Variants in TMPRSS15 observed in about 807,000 individuals in gnomAD.
TMPRSS15 encodes the protein enteropeptidase.
Under a neutral mutation model 125.3 loss-of-function variants are expected in TMPRSS15, and 128 were observed. That is an observed-to-expected ratio of 1.02 (90% CI 0.89 to 1.18). TMPRSS15 has a LOEUF of 1.18. TMPRSS15 is among the 50% of genes most tolerant of loss of function. The pLI is 0.00. For missense variants in TMPRSS15, 1,283 were observed against 1,212.7 expected, an observed-to-expected ratio of 1.06 and a Z score of -0.86; for synonymous variants, 446 against 423.2, an observed-to-expected ratio of 1.05 and a Z score of -0.66.
intron 17 of TMPRSS15, 151 bp downstream of exon 17, chr21:18,314,995 A>T: frequency 1.4e-6 from 1 of 698,674 alleles, no homozygotes; most frequent in Non-Finnish European, 2.6e-6. Context: ...ATGGGGACAG[A>T]GGTGCTAAAA....
chr21:18,313,735 G>C (rs1022996532), intron 17 of TMPRSS15, among the ~76,000 whole-genome samples: 1 of 151,674 alleles, frequency 6.6e-6, no homozygotes, highest in Non-Finnish European at 1.5e-5. Context: ...CCATAAAAAT[G>C]GAAAATGCAG....
chr21:18,288,849 T>G (rs973353419), intron 21 of TMPRSS15, among the ~76,000 whole-genome samples: 1 of 152,118 alleles, frequency 6.6e-6, no homozygotes, highest in African/African-American at 2.4e-5. Context: ...CTTCCTCTTT[T>G]TTATCTGCAA....
chr21:18,303,712 C>T (rs1005837163), intron 18 of TMPRSS15, among the ~76,000 whole-genome samples: 1 of 152,120 alleles, frequency 6.6e-6, no homozygotes, highest in Non-Finnish European at 1.5e-5. Context: ...AATACCTATA[C>T]ATTACAGATA....
intron 18 of TMPRSS15, among the ~76,000 whole-genome samples, chr21:18,310,045 T>C (rs1424771373): frequency 6.6e-6 from 1 of 152,010 alleles, no homozygotes; most frequent in African/African-American, 2.4e-5. Flanking sequence ...CTAAGTTAGG[T>C]ATAGAAGGAA....
At chr21:18,403,344 T>G in intron 1 of TMPRSS15, 134 bp downstream of exon 1, 1 of 1,168,450 alleles carries the variant, frequency 8.6e-7, no homozygotes, top group Admixed American at 1.8e-5. Context: ...GAAGATTAAT[T>G]TGAAATATTA....
At chr21:18,300,282 CTCTCTCTTTCTT>C (rs56062028) in intron 18 of TMPRSS15, among the ~76,000 whole-genome samples, 15,191 of 145,970 alleles carry the variant, frequency 0.1, 931 homozygotes, top group Middle Eastern at 0.21. Flanking sequence ...TCTTCTTTCT[CTCTCTCTTTCTT>C]TCTCTCTCTC....
chr21:18,293,942 T>C (rs538368518), intron 21 of TMPRSS15, among the ~76,000 whole-genome samples: 1 of 152,344 alleles, frequency 6.6e-6, no homozygotes, highest in Non-Finnish European at 1.5e-5. Context: ...ATTTATACAA[T>C]AAATACTAAT....
At position 18,315,260 on chromosome 21, in the gene TMPRSS15, T is replaced by G; in HGVS notation, c.1922-4A>C. 6.2e-7 allele frequency: 1 copy of G among 1,606,440 alleles called. No homozygotes were observed. The highest frequency in any genetic ancestry group is 1.1e-5 in the South Asian group (1 of 90,922). ...AAATGGTCTGCCTTGCATGGCTCTA[T>G]GGGGAAAGAATGTTTATTGTATAGG... On this transcript the variant is annotated splice_polypyrimidine_tract_variant and splice_region_variant and intron_variant, in intron 16 of 24. Transcript: ENST00000284885.
chr21:18,317,909 T>TCCCATCCCATCCC lies in TMPRSS15; in HGVS notation c.1922-2654_1922-2653insGGGATGGGATGGG, dbSNP rs1569004326. Among the ~76,000 whole-genome samples the TCCCATCCCATCCC allele has an allele frequency of 3.2e-4, 23 of 72,814 alleles. 1 individual carries two copies. In the Admixed American group the frequency reaches 3.6e-3, roughly 12 times the overall value. 47.8% of individuals were successfully genotyped at this position (72,814 alleles called of 152,430 possible). A position where few individuals can be genotyped will look rare whatever the true frequency, so the allele number is the denominator to read the frequency against. On this transcript the variant is annotated intron_variant, in intron 16 of 24. Coordinates refer to ENST00000284885, the MANE Select transcript of TMPRSS15 (RefSeq NM_002772.3). ...CATCCCATCCCATCCCATCCCATCC[T>TCCCATCCCATCCC]ATCCCAACCCATTCTATTCCATAAC...
rs75001783 is a variant in TMPRSS15 at position 18,399,725 on chromosome 21, C to G, written c.146-1396G>C. On this transcript the variant is annotated intron_variant, in intron 1 of 24. Transcript: ENST00000284885. ...AACGAAATATTAACATCCAAGGAAGCTGGGTTATATGAGAACTCTGTACAA... is the reference window on the plus strand; with the variant it reads ...AACGAAATATTAACATCCAAGGAAGGTGGGTTATATGAGAACTCTGTACAA... Among the ~76,000 whole-genome samples, 276 of 152,106 alleles carry G rather than the reference C, an allele frequency of 1.8e-3. 5 individuals carry two copies. In the East Asian group the frequency reaches 0.038, roughly 21 times the overall value.
chr21:18,301,690 C>T lies in TMPRSS15; in HGVS notation c.2166-3861G>A, dbSNP rs551922365. On this transcript the variant is annotated intron_variant, in intron 18 of 24. Coordinates refer to ENST00000284885, the MANE Select transcript of TMPRSS15 (RefSeq NM_002772.3). ...TGCAGATTTAGATAACTTCATTACA[C>T]ATTCACATAGCTGTTTGAAATCAGA... is the stretch of plus-strand genomic sequence containing the variant. Among the ~76,000 whole-genome samples the T allele has an allele frequency of 3.3e-5, 5 of 152,274 alleles. No homozygotes were observed. In the East Asian group the frequency reaches 7.7e-4, roughly 24 times the overall value.
At chr21:18,284,674 C>T (rs1318948736) in intron 21 of TMPRSS15, among the ~76,000 whole-genome samples, 2 of 152,150 alleles carry the variant, frequency 1.3e-5, no homozygotes, top group Admixed American at 1.3e-4. Context: ...TGAGAACCAC[C>T]TGGAATAGGA....
intron 1 of TMPRSS15, among the ~76,000 whole-genome samples, chr21:18,438,435 C>A (rs888387915): frequency 6.6e-6 from 1 of 151,858 alleles, no homozygotes; most frequent in Admixed American, 6.6e-5. Flanking sequence ...ATGTAACTAA[C>A]CTGCACGTTG....
At chr21:18,360,935 A>T (rs1253453139) in intron 7 of TMPRSS15, among the ~76,000 whole-genome samples, 1 of 152,146 alleles carries the variant, frequency 6.6e-6, no homozygotes, top group Non-Finnish European at 1.5e-5. Context: ...TCAAGATGAC[A>T]GCTATCATAT....
Position 18,281,873 on chromosome 21 carries a change from G to A in TMPRSS15, c.2487-652C>T, listed in dbSNP as rs2074702609. Among the ~76,000 whole-genome samples the A allele has an allele frequency of 5.3e-5, 8 of 151,884 alleles. No individual in the cohort carries two copies. The South Asian group carries it at 1.7e-3, about 31-fold the overall frequency. On this transcript the variant is annotated intron_variant, in intron 21 of 24. Coordinates refer to ENST00000284885, the MANE Select transcript of TMPRSS15 (RefSeq NM_002772.3). ...AGCACTTTGGGAGGCCGAGGCGGGC[G>A]GATCACAAGGTCAGGGGATCGAGAC... is the stretch of plus-strand genomic sequence containing the variant.
At chr21:18,356,053 A>G (rs2075621405) in intron 8 of TMPRSS15, among the ~76,000 whole-genome samples, 1 of 151,916 alleles carries the variant, frequency 6.6e-6, no homozygotes, top group Non-Finnish European at 1.5e-5. Context: ...ACATTCCTTA[A>G]GAAAATCCAA....
chr21:18,280,000 T>G (rs62213416), intron 22 of TMPRSS15, among the ~76,000 whole-genome samples: 1 of 152,114 alleles, frequency 6.6e-6, no homozygotes, highest in African/African-American at 2.4e-5. Flanking sequence ...TAAGACACAG[T>G]GCTTATCCTT....
intron 18 of TMPRSS15, among the ~76,000 whole-genome samples, chr21:18,306,780 C>A (rs572873820): frequency 2.0e-5 from 3 of 151,904 alleles, no homozygotes; most frequent in African/African-American, 7.2e-5. Flanking sequence ...AAAAACACTA[C>A]CCTAAGTTTT....
At chr21:18,420,035 A>T (rs9978062) in intron 1 of TMPRSS15, among the ~76,000 whole-genome samples, 1,632 of 152,314 alleles carry the variant, frequency 0.011, 36 homozygotes, top group African/African-American at 0.038. Flanking sequence ...TAAATGTAGC[A>T]TACCGTAGCC....
Sources: gnomAD v4.1 joint callset for allele counts (sites outside exome capture counted in the v4.1 genomes callset) on GRCh38, gnomAD v4.1.1 for gene constraint, MANE v1.5 for transcripts, NCBI Gene and HGNC (gene_info 2026-07-23, HGNC 2026-07-21) for gene names.